The following DPP6 variants were observed in gnomAD, a reference collection of about 807,000 sequenced individuals.
DPP6 encodes dipeptidyl peptidase like 6.
In DPP6, 69 loss-of-function variants were observed where a neutral mutation model predicts 122.6. The ratio of observed to expected loss-of-function variants is 0.56; its 90% confidence interval spans 0.46 to 0.69. DPP6 has a LOEUF of 0.69. Ranked by LOEUF, DPP6 falls within the 30% of genes least tolerant of loss-of-function variation. The pLI is 0.00. For synonymous variants in DPP6, 418 were observed against 433.1 expected, an observed-to-expected ratio of 0.97 and a Z score of 0.43; for missense variants, 928 against 1,116.9, an observed-to-expected ratio of 0.83 and a Z score of 2.41.
At chr7:154,678,577 C>T (rs1014305705) in intron 7 of DPP6, among the ~76,000 whole-genome samples, 1 of 152,092 alleles carries the variant, frequency 6.6e-6, no homozygotes, top group Non-Finnish European at 1.5e-5. Context: ...ACAGCATCTT[C>T]AATAACCCTA....
intron 1 of DPP6, among the ~76,000 whole-genome samples, chr7:154,227,473 C>A (rs377220265): frequency 5.3e-5 from 8 of 152,084 alleles, no homozygotes; most frequent in African/African-American, 1.4e-4. Flanking sequence ...TGAATAAATT[C>A]TAAAAATCTG....
chr7:154,120,948 G>A (rs1361845988), intron 1 of DPP6, among the ~76,000 whole-genome samples: 1 of 152,146 alleles, frequency 6.6e-6, no homozygotes, highest in Admixed American at 6.5e-5. Context: ...GGTCAAGGGC[G>A]GGACCAGGTG....
intron 1 of DPP6, among the ~76,000 whole-genome samples, chr7:154,008,631 A>G (rs1354183658): frequency 6.6e-6 from 1 of 150,970 alleles, no homozygotes; most frequent in Non-Finnish European, 1.5e-5. Flanking sequence ...TGCAATAAGT[A>G]CAGTAATTAG....
Position 154,481,983 on chromosome 7 carries a change from G to A in DPP6, c.457+6946G>A, listed in dbSNP as rs1823345147. 6.6e-6 allele frequency among the ~76,000 whole-genome samples: 1 copy of A among 152,146 alleles called. No individual in the cohort carries two copies. The highest frequency in any genetic ancestry group is 1.5e-5 in the Non-Finnish European group (1 of 68,022). ...TTGTGGCCGTCCACGAAGACTTCTT[G>A]GGCATTTTCTCATTTGATACTTAAA... On this transcript the variant is annotated intron_variant, in intron 3 of 25. Coordinates refer to ENST00000377770, the MANE Select transcript of DPP6 (RefSeq NM_130797.4). The surrounding 1 kb of genome is among the most constrained non-coding windows in gnomAD (Gnocchi z 4.2).
At chr7:153,794,768 G>A in the DPP6 span, among the ~76,000 whole-genome samples, 4 of 152,160 alleles carry the variant, frequency 2.6e-5, no homozygotes, top group South Asian at 2.1e-4. Context: ...AGGGACCCAG[G>A]AGGAGGTAAT....
intron 10 of DPP6, among the ~76,000 whole-genome samples, chr7:154,786,450 A>T (rs937669188): frequency 3.9e-5 from 6 of 152,160 alleles, no homozygotes; most frequent in African/African-American, 1.4e-4. Context: ...TAATTGAATC[A>T]TGGGGGCAGT....
intron 1 of DPP6, among the ~76,000 whole-genome samples, chr7:154,111,424 C>T (rs548754052): frequency 5.1e-4 from 78 of 152,248 alleles, no homozygotes; most frequent in Admixed American, 2.0e-3. Context: ...CCAAGTCAAG[C>T]TCTTCTAGAA....
At chr7:154,771,175 T>C (rs1796229169) in intron 9 of DPP6, among the ~76,000 whole-genome samples, 1 of 152,226 alleles carries the variant, frequency 6.6e-6, no homozygotes, top group Non-Finnish European at 1.5e-5. Context: ...AAGGCAGATA[T>C]ATGAGGCCAG....
the DPP6 span, among the ~76,000 whole-genome samples, chr7:153,797,647 C>G: frequency 6.6e-6 from 1 of 152,122 alleles, no homozygotes; most frequent in Non-Finnish European, 1.5e-5. Flanking sequence ...GTTGCTGTAA[C>G]CAACTACCAC....
chr7:153,958,686 C>G (rs980570398), intron 1 of DPP6, among the ~76,000 whole-genome samples: 1 of 152,166 alleles, frequency 6.6e-6, no homozygotes, highest in Non-Finnish European at 1.5e-5. Flanking sequence ...TATCATTGCC[C>G]CATGGCTGGG....
At position 154,755,010 on chromosome 7, in the gene DPP6, A is replaced by G. The variant is rs1452406702; in HGVS notation, c.884-14407A>G. On this transcript the variant is annotated intron_variant, in intron 8 of 25. Coordinates refer to ENST00000377770, the MANE Select transcript of DPP6 (RefSeq NM_130797.4). This position sits in a 1 kb window ranked among gnomAD's most constrained non-coding sequence, Gnocchi z 4.7. The stretch of plus-strand genomic sequence containing the variant: ...CGGAAAGAAGAGGGAGAGCATTAGG[A>G]CAAATACCTAATGCATGCAGGGCTT... Among the ~76,000 whole-genome samples the G allele has an allele frequency of 6.6e-6, 1 of 152,154 alleles. No homozygotes were observed. Among genetic ancestry groups the G allele is most frequent in the African/African-American group, 2.4e-5 (1 of 41,416 alleles).
chr7:154,044,579 C>T (rs566187247), intron 1 of DPP6, among the ~76,000 whole-genome samples: 26 of 152,256 alleles, frequency 1.7e-4, no homozygotes, highest in African/African-American at 6.0e-4. Flanking sequence ...TGTTAAAATT[C>T]AAGAAAAGCT....
At chr7:154,587,953 G>A in intron 5 of DPP6, 1 of 1,612,938 alleles carries the variant, frequency 6.2e-7, no homozygotes, top group Non-Finnish European at 8.5e-7. Flanking sequence ...TCGCAGCCAT[G>A]CACCTGCAGC....
chr7:154,280,451 C>G (rs1013873335), intron 1 of DPP6, among the ~76,000 whole-genome samples: 9 of 152,174 alleles, frequency 5.9e-5, no homozygotes, highest in African/African-American at 2.2e-4. Flanking sequence ...GCAGCCTCCC[C>G]CTTCCATCTT....
In DPP6 at chr7:154,061,629, C is replaced by T. The variant is rs1309517224; in HGVS notation, c.243+8566C>T. On this transcript the variant is annotated intron_variant, in intron 1 of 25. Transcript: ENST00000377770. The stretch of plus-strand genomic sequence containing the variant: ...GGACTCCCATCACAGGGGGGGGAGG[C>T]ACCCGCTGCGAGGCGGGGACTCAGA... Among the ~76,000 whole-genome samples the T allele has an allele frequency of 7.7e-4, 106 of 137,710 alleles. 14 individuals carry two copies. The highest frequency in any genetic ancestry group is 1.5e-3 in the Non-Finnish European group (93 of 62,608). The allele number at this position is 137,710 out of a possible 152,430, so 90.3% of individuals were successfully genotyped here. A position where few individuals can be genotyped will look rare whatever the true frequency, so the allele number is the denominator to read the frequency against.
chr7:154,091,763 C>T (rs1804864373), intron 1 of DPP6, among the ~76,000 whole-genome samples: 1 of 152,076 alleles, frequency 6.6e-6, no homozygotes, highest in South Asian at 2.1e-4. Context: ...CCTCTGCTGA[C>T]CCTCCCGATG....
chr7:154,288,742 T>C (rs1805013211), intron 1 of DPP6, among the ~76,000 whole-genome samples: 1 of 152,124 alleles, frequency 6.6e-6, no homozygotes, highest in South Asian at 2.1e-4. Context: ...CTACTATAAA[T>C]AATCAGGCGC....
chr7:154,445,816 C>G (rs1819818528), intron 1 of DPP6, among the ~76,000 whole-genome samples: 1 of 151,086 alleles, frequency 6.6e-6, no homozygotes, highest in African/African-American at 2.4e-5. Context: ...GGACTTGGAG[C>G]TGAAAAGTTT....
At chr7:154,531,597 C>A (rs57965110) in intron 3 of DPP6, among the ~76,000 whole-genome samples, 4,932 of 152,140 alleles carry the variant, frequency 0.032, 267 homozygotes, top group African/African-American at 0.11. Flanking sequence ...AAGAATAAAA[C>A]ACATCAGAAA....
Sources: gnomAD v4.1 joint callset for allele counts (sites outside exome capture counted in the v4.1 genomes callset) on GRCh38, gnomAD v4.1.1 for gene constraint, Gnocchi (gnomAD v3.1) non-coding constraint, MANE v1.5 for transcripts, NCBI Gene and HGNC (gene_info 2026-07-23, HGNC 2026-07-21) for gene names.